Variants in TRIM67 observed in about 807,000 individuals in gnomAD.
TRIM67 encodes the protein tripartite motif-containing protein 67.
A neutral mutation model predicts 71.0 loss-of-function variants in TRIM67; 39 were observed. The observed-to-expected ratio is 0.55, with a 90% CI of 0.43 to 0.72. The LOEUF is 0.72. Ranked by LOEUF, TRIM67 falls within the 30% of genes least tolerant of loss-of-function variation. The probability of loss-of-function intolerance (pLI) is 0.00; values close to 1 mark genes in which losing one functional copy is unlikely to be tolerated. For synonymous variants in TRIM67, 481 were observed against 473.9 expected (o/e 1.01, Z -0.19); for missense variants, 973 against 1,079.2 (o/e 0.90, Z 1.38).
chr1:231,165,200 T>C (rs972088401), intron 1 of TRIM67, among the ~76,000 whole-genome samples: 1 of 152,172 alleles, frequency 6.6e-6, no homozygotes, highest in Non-Finnish European at 1.5e-5. Context: ...CATTCTACAG[T>C]GCACAGGAAA....
In TRIM67 at chr1:231,217,134, C is replaced by G; in HGVS notation, c.*1694C>G. ...CCCCCCCTCCACTCAGCAGGCCCGA[C>G]AATCCTACCTCAAAGCTCATGCTCT... On this transcript the variant is annotated 3_prime_UTR_variant, in exon 10 of 10. Coordinates refer to ENST00000366653, the MANE Select transcript of TRIM67 (RefSeq NM_001004342.5). 1.0e-6 allele frequency: 1 copy of G among 985,950 alleles called. No homozygotes were observed. Among genetic ancestry groups the G allele is most frequent in the Non-Finnish European group, 1.2e-6 (1 of 830,006 alleles). 61.1% of individuals were successfully genotyped at this position (985,950 alleles called of 1,614,324 possible). A position where few individuals can be genotyped will look rare whatever the true frequency, so the allele number is the denominator to read the frequency against.
At chr1:231,203,065 G>GCT (rs1245188014) in intron 5 of TRIM67, among the ~76,000 whole-genome samples, 2 of 152,132 alleles carry the variant, frequency 1.3e-5, no homozygotes, top group Non-Finnish European at 2.9e-5. Flanking sequence ...GTCAGTCTGT[G>GCT]CTCAGCCAGT....
intron 1 of TRIM67, 138 bp from the exon 2 acceptor site, chr1:231,197,233 T>C: frequency 3.1e-6 from 2 of 642,030 alleles, no homozygotes. Flanking sequence ...TCAGTGGTGG[T>C]CCCTTCATCA....
At chr1:231,187,755 C>T (rs1012934503) in intron 1 of TRIM67, 7 of 587,758 alleles carry the variant, frequency 1.2e-5, no homozygotes, top group African/African-American at 7.5e-5. Context: ...AGAGGGACAG[C>T]GGGCAAGCTC....
rs372405926 is a variant in TRIM67, at chr1:231,201,425, C to T, written c.1442C>T (p.Pro481Leu). Residue 481 changes from proline (P) to leucine (L), a missense_variant, in exon 5 of 10, where the codon CCG (proline) becomes CTG (leucine). Physicochemically the swap from Pro to Leu is moderately conservative, Grantham distance 98. Around this residue, in one of 2 missense-constraint regions of TRIM67, gnomAD observed 795 missense variants for 831.3 expected, o/e 0.96. Coordinates refer to ENST00000366653, the MANE Select transcript of TRIM67 (RefSeq NM_001004342.5). ...CAGTGGGTCAAAGGCGCCCTGGAGC[C>T]GAAAGTGTCTGCGGAGTTTGATCTG... The part of the protein sequence containing the change: ...QEQWVKGALE[P>L]KVSAEFDLTL... 5.6e-6 allele frequency: 9 copies of T among 1,613,552 alleles called. No homozygotes were observed. The highest frequency in any genetic ancestry group is 4.5e-5 in the East Asian group (2 of 44,874).
At chr1:231,208,860 C>A in intron 7 of TRIM67, 87 bp from the exon 8 acceptor site, 1 of 1,338,332 alleles carries the variant, frequency 7.5e-7, no homozygotes. Flanking sequence ...CTAACAGAAG[C>A]GAATGTGTTT....
At chr1:231,211,970 C>A (rs1325711104) in intron 8 of TRIM67, among the ~76,000 whole-genome samples, 1 of 152,076 alleles carries the variant, frequency 6.6e-6, no homozygotes, top group Non-Finnish European at 1.5e-5. Flanking sequence ...TGTACCTAGG[C>A]GAGTTAAGGA....
chr1:231,165,092 C>G (rs868648994), intron 1 of TRIM67, among the ~76,000 whole-genome samples: 18 of 152,298 alleles, frequency 1.2e-4, no homozygotes, highest in African/African-American at 4.1e-4. Flanking sequence ...TACCCCAACC[C>G]CTCCCCAACA....
At position 231,219,933 on chromosome 1, in the gene TRIM67, C is replaced by T. The variant is rs1171832204; in HGVS notation, c.*4493C>T. 9.1e-5 allele frequency: 118 copies of T among 1,289,712 alleles called. 1 individual carries two copies. Among genetic ancestry groups the T allele is most frequent in the Non-Finnish European group, 9.9e-5 (98 of 988,890 alleles). 79.9% of individuals were successfully genotyped at this position (1,289,712 alleles called of 1,614,324 possible). A position where few individuals can be genotyped will look rare whatever the true frequency, so the allele number is the denominator to read the frequency against. On this transcript the variant is annotated 3_prime_UTR_variant, in exon 10 of 10. Coordinates refer to ENST00000366653, the MANE Select transcript of TRIM67 (RefSeq NM_001004342.5). ...TTGATCAGACACCAAGTTCAGCCCT[C>T]GGTTACTTCCCTCTTTTAACCTGGC...
At chr1:231,194,938 C>A (rs1683329566) in intron 1 of TRIM67, among the ~76,000 whole-genome samples, 1 of 152,122 alleles carries the variant, frequency 6.6e-6, no homozygotes, top group African/African-American at 2.4e-5. Flanking sequence ...CTATGTTGCC[C>A]AGGCTGGTCT....
In TRIM67 at chr1:231,163,419, G is replaced by C; in HGVS notation, c.450G>C (p.Leu150=). Residue 150 remains leucine (L), a synonymous_variant, in exon 1 of 10, where the codon CTG becomes CTC. Transcript: ENST00000366653. ...CTCGGGGTGCCGCCTGCTCCTCGCT[G>C]TCCTCGTCTTCGAGCTCCATCACGT... ...AAARGAACSS[L]SSSSSSITCP... 1 of 1,538,862 alleles carries C rather than the reference G, an allele frequency of 6.5e-7. No homozygotes were observed. Among genetic ancestry groups the C allele is most frequent in the Non-Finnish European group, 8.7e-7 (1 of 1,146,244 alleles).
At chr1:231,202,278 A>AGAT (rs1683574832) in intron 5 of TRIM67, among the ~76,000 whole-genome samples, 1 of 4,738 alleles carries the variant, frequency 2.1e-4, no homozygotes, top group African/African-American at 6.3e-4. Flanking sequence ...GCGGAGGAGG[A>AGAT]GGAGGTGGAG....
intron 4 of TRIM67, among the ~76,000 whole-genome samples, chr1:231,200,673 T>C (rs558990299): frequency 9.2e-5 from 14 of 152,122 alleles, no homozygotes; most frequent in Middle Eastern, 3.4e-3. Flanking sequence ...CGGGGCCATC[T>C]CTCCTGCATT....
rs1477336290 is a variant in TRIM67, at chr1:231,217,131, C to T, written c.*1691C>T. The T allele has an allele frequency of 1.2e-5, 12 of 985,752 alleles. No homozygotes were observed. Among genetic ancestry groups the T allele is most frequent in the South Asian group, 4.7e-5 (1 of 21,284 alleles). The allele number at this position is 985,752 out of a possible 1,614,324, so 61.1% of individuals were successfully genotyped here. On this transcript the variant is annotated 3_prime_UTR_variant, in exon 10 of 10. Coordinates refer to ENST00000366653, the MANE Select transcript of TRIM67 (RefSeq NM_001004342.5). ...GTACCCCCCCTCCACTCAGCAGGCC[C>T]GACAATCCTACCTCAAAGCTCATGC... is the stretch of plus-strand genomic sequence containing the variant.
In TRIM67 at chr1:231,217,765, C is replaced by T. The variant is rs1463580101; in HGVS notation, c.*2325C>T. 1.0e-5 allele frequency: 13 copies of T among 1,279,832 alleles called. No homozygotes were observed. Among genetic ancestry groups the T allele is most frequent in the African/African-American group, 1.5e-5 (1 of 65,682 alleles). 79.3% of individuals were successfully genotyped at this position (1,279,832 alleles called of 1,614,324 possible). On this transcript the variant is annotated 3_prime_UTR_variant, in exon 10 of 10. Coordinates refer to ENST00000366653, the MANE Select transcript of TRIM67 (RefSeq NM_001004342.5). ...GCAGAAGAATCGCCCATCATTGGAG[C>T]ACAAGTTGCCTGGGGCTACCCTGAA...
At chr1:231,200,797 C>A (rs908789602) in intron 4 of TRIM67, among the ~76,000 whole-genome samples, 2 of 152,122 alleles carry the variant, frequency 1.3e-5, no homozygotes, top group Non-Finnish European at 1.5e-5. Context: ...CACACGAGAC[C>A]CTGGCTCGAC....
intron 1 of TRIM67, among the ~76,000 whole-genome samples, chr1:231,175,786 T>A (rs1682732333): frequency 6.6e-6 from 1 of 152,232 alleles, no homozygotes; most frequent in Non-Finnish European, 1.5e-5. Context: ...GAAAATTATC[T>A]TCCACCAGGA....
At chr1:231,186,597 C>T (rs929433165) in intron 1 of TRIM67, among the ~76,000 whole-genome samples, 1 of 152,162 alleles carries the variant, frequency 6.6e-6, no homozygotes, top group Non-Finnish European at 1.5e-5. Flanking sequence ...ACCTGTCTGT[C>T]TCTATGTCCA....
rs955148910 is a variant in TRIM67, at chr1:231,219,136, G to A, written c.*3696G>A. Reference sequence around the variant, plus strand: ...CAATCCTTAGGGGGAGTCAACATGTGAATGCTAAAGAACACTGCTGCACAG... The same window carrying A: ...CAATCCTTAGGGGGAGTCAACATGTAAATGCTAAAGAACACTGCTGCACAG... On this transcript the variant is annotated 3_prime_UTR_variant, in exon 10 of 10. Transcript: ENST00000366653. 3.0e-6 allele frequency: 3 copies of A among 985,324 alleles called. No homozygotes were observed. In the African/African-American group the frequency reaches 5.2e-5, roughly 17 times the overall value. 61.0% of individuals were successfully genotyped at this position (985,324 alleles called of 1,614,324 possible).
Sources: allele counts gnomAD v4.1 joint callset (sites outside exome capture counted in the v4.1 genomes callset), GRCh38; gene constraint gnomAD v4.1.1; regional missense constraint gnomAD v4.1.1; transcripts MANE v1.5; gene names NCBI Gene and HGNC (gene_info 2026-07-23, HGNC 2026-07-21).